Variants in ZNF609 observed in about 807,000 individuals in gnomAD.
The protein encoded by ZNF609 is zinc finger protein 609.
A neutral mutation model predicts 109.5 loss-of-function variants in ZNF609; 11 were observed. The ratio of observed to expected loss-of-function variants is 0.10; its 90% CI spans 0.06 to 0.17. ZNF609 has a LOEUF of 0.17. Ranked by LOEUF, ZNF609 falls within the 10% of genes least tolerant of loss-of-function variation. ZNF609 has a pLI of 1.00. For synonymous variants in ZNF609, 646 were observed against 662.0 expected, an observed-to-expected ratio of 0.98 and a Z score of 0.37; for missense variants, 1,559 against 1,772.4, an observed-to-expected ratio of 0.88 and a Z score of 2.16.
chr15:64,512,655 A>AT (rs1029658979), intron 2 of ZNF609, among the ~76,000 whole-genome samples: 1 of 152,184 alleles, frequency 6.6e-6, no homozygotes, highest in African/African-American at 2.4e-5. Flanking sequence ...TTTGTTGTTG[A>AT]TTTTTTTTAA....
At chr15:64,654,346 A>G (rs1308291638) in intron 3 of ZNF609, 1 of 152,158 alleles carries the variant, frequency 6.6e-6, no homozygotes, top group East Asian at 1.9e-4. Context: ...CATCAGTTCA[A>G]TTAAATCTAG....
At chr15:64,662,809 G>T (rs538513592) in intron 3 of ZNF609, among the ~76,000 whole-genome samples, 1 of 152,044 alleles carries the variant, frequency 6.6e-6, no homozygotes, top group African/African-American at 2.4e-5. Context: ...GGGATTACAG[G>T]CACGCGCCAC....
intron 2 of ZNF609, among the ~76,000 whole-genome samples, chr15:64,506,350 T>G (rs979004303): frequency 6.6e-6 from 1 of 150,904 alleles, no homozygotes; most frequent in African/African-American, 2.4e-5. Flanking sequence ...GTCGAGCTCC[T>G]GGGCTCAAGT....
At chr15:64,614,374 C>T (rs1338983461) in intron 2 of ZNF609, among the ~76,000 whole-genome samples, 1 of 151,940 alleles carries the variant, frequency 6.6e-6, no homozygotes, top group Non-Finnish European at 1.5e-5. Context: ...GGAATACAGG[C>T]GACTGCCACA....
chr15:64,528,486 T>C (rs968884612), intron 2 of ZNF609, among the ~76,000 whole-genome samples: 3 of 151,986 alleles, frequency 2.0e-5, no homozygotes, highest in African/African-American at 7.3e-5. Flanking sequence ...CACAAGGCAC[T>C]TTATTGATGG....
At chr15:64,588,442 A>AAAAAAAAAAGAAG (rs71133451) in intron 2 of ZNF609, among the ~76,000 whole-genome samples, 2 of 75,272 alleles carry the variant, frequency 2.7e-5, no homozygotes, top group African/African-American at 1.0e-4. Context: ...AAAAAAAAAA[A>AAAAAAAAAAGAAG]AAGAAGAGGA....
intron 3 of ZNF609, among the ~76,000 whole-genome samples, chr15:64,638,636 C>G (rs1231942566): frequency 6.6e-6 from 1 of 152,084 alleles, no homozygotes; most frequent in African/African-American, 2.4e-5. Flanking sequence ...TGGCTCACAC[C>G]TGTAATCCCA....
chr15:64,636,512 A>T (rs2140987321), intron 3 of ZNF609, among the ~76,000 whole-genome samples: 1 of 152,334 alleles, frequency 6.6e-6, no homozygotes, highest in South Asian at 2.1e-4. Context: ...AACAACCTGC[A>T]TTCTCCTTAT....
At chr15:64,611,414 A>G (rs1334212254) in intron 2 of ZNF609, among the ~76,000 whole-genome samples, 1 of 152,204 alleles carries the variant, frequency 6.6e-6, no homozygotes, top group African/African-American at 2.4e-5. Flanking sequence ...AGTAATGGAC[A>G]CTGCCATGTG....
At chr15:64,529,282 T>C in intron 2 of ZNF609, 1 of 716,144 alleles carries the variant, frequency 1.4e-6, no homozygotes, top group East Asian at 2.7e-5. Context: ...ATCACAAACA[T>C]GGGGGCATCA....
At chr15:64,583,001 T>C (rs1895135834) in intron 2 of ZNF609, among the ~76,000 whole-genome samples, 1 of 151,392 alleles carries the variant, frequency 6.6e-6, no homozygotes, top group African/African-American at 2.4e-5. Flanking sequence ...TTCACCTGCC[T>C]CGGCCTTCCA....
At chr15:64,673,697 T>G (rs949003146) in intron 4 of ZNF609, among the ~76,000 whole-genome samples, 6 of 152,232 alleles carry the variant, frequency 3.9e-5, no homozygotes, top group African/African-American at 1.2e-4. Context: ...GAACAGATTC[T>G]GCATGGTTTT....
At chr15:64,587,997 C>T (rs1388551756) in intron 2 of ZNF609, among the ~76,000 whole-genome samples, 2 of 151,644 alleles carry the variant, frequency 1.3e-5, no homozygotes, top group South Asian at 2.1e-4. Context: ...GCCTCAGCCT[C>T]CCAAAGTGCT....
chr15:64,521,845 T>G (rs749613357), intron 2 of ZNF609, among the ~76,000 whole-genome samples: 13 of 152,158 alleles, frequency 8.5e-5, no homozygotes, highest in Admixed American at 6.5e-5. Flanking sequence ...GCTGTGCCAC[T>G]GGATCCCTGT....
intron 2 of ZNF609, among the ~76,000 whole-genome samples, chr15:64,522,869 CTG>C (rs1318374721): frequency 6.6e-6 from 1 of 150,626 alleles, no homozygotes; most frequent in Non-Finnish European, 1.5e-5. Flanking sequence ...CATCTTTTTT[CTG>C]TGTAATTTTC....
chr15:64,662,710 G>C lies in ZNF609; in HGVS notation c.974-7636G>C, dbSNP rs149336468. On this transcript the variant is annotated intron_variant, in intron 3 of 9. Coordinates refer to ENST00000326648, the MANE Select transcript of ZNF609 (RefSeq NM_015042.2). Reference sequence around the variant, plus strand: ...AGACAGGGTCTCTTTCTGTTGCCCAGACGGGAGTGCAGTGGCGCGATCTCG... The same window carrying C: ...AGACAGGGTCTCTTTCTGTTGCCCACACGGGAGTGCAGTGGCGCGATCTCG... Among the ~76,000 whole-genome samples, 155 of 151,918 alleles carry C rather than the reference G, an allele frequency of 1.0e-3. No individual in the cohort carries two copies. In the South Asian group the frequency reaches 0.014, roughly 13 times the overall value.
Position 64,575,657 on chromosome 15 carries a change from G to A in ZNF609, c.748-47170G>A, listed in dbSNP as rs900368175. On this transcript the variant is annotated intron_variant, in intron 2 of 9. Coordinates refer to ENST00000326648, the MANE Select transcript of ZNF609 (RefSeq NM_015042.2). Reference sequence around the variant, plus strand: ...TACTATTAATTATATAAATTAATGGGATCCCAGGTAGTATTTGTATATTTA... The same window carrying A: ...TACTATTAATTATATAAATTAATGGAATCCCAGGTAGTATTTGTATATTTA... 3.3e-5 allele frequency among the ~76,000 whole-genome samples: 5 copies of A among 152,016 alleles called. No individual in the cohort carries two copies. The South Asian group carries it at 1.0e-3, about 32-fold the overall frequency.
chr15:64,584,492 A>C (rs527281776), intron 2 of ZNF609, among the ~76,000 whole-genome samples: 32 of 151,816 alleles, frequency 2.1e-4, no homozygotes, highest in African/African-American at 7.7e-4. Context: ...GTAGAGACAG[A>C]GTTTCGCCAT....
At chr15:64,491,639 G>T (rs1448789765) in intron 1 of ZNF609, among the ~76,000 whole-genome samples, 1 of 151,384 alleles carries the variant, frequency 6.6e-6, no homozygotes, top group Non-Finnish European at 1.5e-5. Context: ...ACTAGGTCAG[G>T]AGTTTGAGGC....
Sources: allele counts gnomAD v4.1 joint callset (sites outside exome capture counted in the v4.1 genomes callset), GRCh38; gene constraint gnomAD v4.1.1; transcripts MANE v1.5; gene names NCBI Gene and HGNC (gene_info 2026-07-23, HGNC 2026-07-21).